The following BORCS5 variants were observed in gnomAD, a reference collection of about 807,000 sequenced individuals.
BORCS5 encodes the protein BLOC-1-related complex subunit 5.
BORCS5 carries 17 observed loss-of-function variants against 22.1 expected under a neutral mutation model. The observed-to-expected ratio is 0.77, with a 90% CI of 0.53 to 1.15. The LOEUF is 1.15. BORCS5 is among the 50% of genes most tolerant of loss of function. The pLI is 0.00. For synonymous variants in BORCS5, 117 were observed against 99.8 expected (o/e 1.17, Z -1.03); for missense variants, 247 against 253.2 (o/e 0.98, Z 0.17).
intron 2 of BORCS5, among the ~76,000 whole-genome samples, chr12:12,367,992 T>C (rs1863439924): frequency 6.6e-6 from 1 of 152,224 alleles, no homozygotes; most frequent in African/African-American, 2.4e-5. Context: ...CTTTCTCTGT[T>C]CTCATTTCTG....
intron 2 of BORCS5, among the ~76,000 whole-genome samples, chr12:12,414,928 T>C (rs1214817021): frequency 8.3e-6 from 1 of 120,498 alleles, no homozygotes. Context: ...GGGGCAGAGG[T>C]GCTCCCCACA....
intron 2 of BORCS5, among the ~76,000 whole-genome samples, chr12:12,413,402 G>C (rs920560886): frequency 6.9e-5 from 10 of 144,066 alleles, no homozygotes; most frequent in Non-Finnish European, 1.5e-4. Flanking sequence ...TGGGGATAAG[G>C]TCACAGATCA....
At chr12:12,420,234 G>T (rs1369852477) in intron 2 of BORCS5, among the ~76,000 whole-genome samples, 1 of 151,208 alleles carries the variant, frequency 6.6e-6, no homozygotes, top group African/African-American at 2.5e-5. Context: ...AAGGTGTAAG[G>T]AAGGGATCCA....
chr12:12,431,209 C>T (rs920731472), intron 2 of BORCS5, among the ~76,000 whole-genome samples: 4 of 152,278 alleles, frequency 2.6e-5, no homozygotes, highest in South Asian at 2.1e-4. Flanking sequence ...CCTCACAGCT[C>T]CACCTACAAA....
At chr12:12,434,451 G>A (rs1942510793) in intron 2 of BORCS5, among the ~76,000 whole-genome samples, 1 of 152,118 alleles carries the variant, frequency 6.6e-6, no homozygotes, top group East Asian at 1.9e-4. Flanking sequence ...GAATCTCTGA[G>A]GTCAAAACTA....
chr12:12,381,227 T>C (rs539374444), intron 2 of BORCS5, among the ~76,000 whole-genome samples: 9 of 151,378 alleles, frequency 5.9e-5, no homozygotes, highest in African/African-American at 2.2e-4. Context: ...CTGGAACTTC[T>C]GACCTGGCTG....
chr12:12,407,663 A>G (rs1721640862), intron 2 of BORCS5, among the ~76,000 whole-genome samples: 1 of 148,638 alleles, frequency 6.7e-6, no homozygotes, highest in Admixed American at 6.7e-5. Context: ...CCTGACAAAC[A>G]TTATTATTCT....
At chr12:12,360,882 C>T (rs771784625) in intron 1 of BORCS5, among the ~76,000 whole-genome samples, 31 of 151,926 alleles carry the variant, frequency 2.0e-4, no homozygotes, top group South Asian at 4.2e-4. Context: ...CACCATGCCC[C>T]GCTAATTTTT....
chr12:12,401,304 C>A (rs1023477370), intron 2 of BORCS5, among the ~76,000 whole-genome samples: 4 of 152,086 alleles, frequency 2.6e-5, no homozygotes, highest in South Asian at 2.1e-4. Flanking sequence ...TGTTCCACAT[C>A]CTCAGTAAAA....
At chr12:12,418,864 A>C (rs1384160187) in intron 2 of BORCS5, among the ~76,000 whole-genome samples, 1 of 152,164 alleles carries the variant, frequency 6.6e-6, no homozygotes, top group African/African-American at 2.4e-5. Context: ...ATACATTTAA[A>C]GTACTTAACT....
chr12:12,429,699 C>T (rs967239279), intron 2 of BORCS5, among the ~76,000 whole-genome samples: 2 of 152,200 alleles, frequency 1.3e-5, no homozygotes, highest in Admixed American at 6.5e-5. Flanking sequence ...TTCCCTCACC[C>T]TCCACCTTTT....
chr12:12,376,198 G>A (rs1166429125), intron 2 of BORCS5, among the ~76,000 whole-genome samples: 1 of 151,532 alleles, frequency 6.6e-6, no homozygotes, highest in Non-Finnish European at 1.5e-5. Flanking sequence ...CAGGATTTTC[G>A]GAACAGGTGA....
intron 2 of BORCS5, among the ~76,000 whole-genome samples, chr12:12,421,279 A>G (rs1165100658): frequency 6.6e-6 from 1 of 152,054 alleles, no homozygotes; most frequent in African/African-American, 2.4e-5. Context: ...AATTTTGTTG[A>G]AGGCCTTTTC....
chr12:12,362,838 A>G (rs534950782), intron 2 of BORCS5, among the ~76,000 whole-genome samples: 92 of 146,826 alleles, frequency 6.3e-4, no homozygotes, highest in African/African-American at 2.1e-3. Flanking sequence ...TTTAGTTGAG[A>G]TGGGGTTTCA....
At chr12:12,368,027 G>A (rs538316064) in intron 2 of BORCS5, among the ~76,000 whole-genome samples, 1 of 152,240 alleles carries the variant, frequency 6.6e-6, no homozygotes, top group South Asian at 2.1e-4. Context: ...GACTCCATGG[G>A]TGCTACATGC....
At chr12:12,431,385 A>C (rs948182465) in intron 2 of BORCS5, among the ~76,000 whole-genome samples, 1 of 141,816 alleles carries the variant, frequency 7.1e-6, no homozygotes, top group Non-Finnish European at 1.5e-5. Context: ...ACTTTTGTTC[A>C]TCTTTCTTTT....
chr12:12,408,507 T>G (rs973223090), intron 2 of BORCS5, among the ~76,000 whole-genome samples: 5 of 152,224 alleles, frequency 3.3e-5, no homozygotes, highest in Admixed American at 6.5e-5. Flanking sequence ...CCTGAATGTT[T>G]TTCATCTTGC....
chr12:12,362,330 A>C (rs1348010558), intron 2 of BORCS5, among the ~76,000 whole-genome samples: 5 of 152,216 alleles, frequency 3.3e-5, no homozygotes, highest in African/African-American at 9.7e-5. Flanking sequence ...AAACAAAAAC[A>C]AATGGTGCTT....
At chr12:12,435,370 A>G (rs1942532707) in intron 2 of BORCS5, among the ~76,000 whole-genome samples, 1 of 152,220 alleles carries the variant, frequency 6.6e-6, no homozygotes, top group Admixed American at 6.5e-5. Flanking sequence ...CCTCCTGTGT[A>G]AATGGAGCTA....
Sources: allele counts gnomAD v4.1 joint callset (sites outside exome capture counted in the v4.1 genomes callset), GRCh38; gene constraint gnomAD v4.1.1; transcripts MANE v1.5; gene names NCBI Gene and HGNC (gene_info 2026-07-23, HGNC 2026-07-21).